Variants in ZFPM2 observed in about 807,000 individuals in gnomAD.
The protein encoded by ZFPM2 is zinc finger protein, FOG family member 2, also known as zinc finger protein ZFPM2.
In ZFPM2, 20 loss-of-function variants were observed where a neutral mutation model predicts 98.6. The observed-to-expected ratio is 0.20, with a 90% CI of 0.14 to 0.29. The LOEUF (loss-of-function observed/expected upper bound fraction) is 0.29, where lower values mean the gene tolerates loss of function less well. ZFPM2 is among the 10% of genes least tolerant of loss of function. ZFPM2 has a pLI of 1.00. For missense variants in ZFPM2, 1,310 were observed against 1,388.6 expected (o/e 0.94, Z 0.90); for synonymous variants, 518 against 502.7 (o/e 1.03, Z -0.41).
intron 5 of ZFPM2, chr8:105,785,261 C>G (rs1408387030): frequency 6.6e-6 from 1 of 152,180 alleles, no homozygotes; most frequent in Admixed American, 6.6e-5. Context: ...CCAAACTTTA[C>G]ATTTTCAAAA....
chr8:105,527,077 CATAGAA>C (rs1435150552), intron 3 of ZFPM2, among the ~76,000 whole-genome samples: 2 of 152,078 alleles, frequency 1.3e-5, no homozygotes, highest in African/African-American at 4.8e-5. Context: ...TGCCCTAGGA[CATAGAA>C]AGTAGGGTGA....
At chr8:105,753,341 C>T (rs780023225) in intron 5 of ZFPM2, among the ~76,000 whole-genome samples, 3 of 152,090 alleles carry the variant, frequency 2.0e-5, no homozygotes, top group Non-Finnish European at 4.4e-5. Flanking sequence ...ATACACAAAG[C>T]CCACCTATGG....
At chr8:105,712,288 A>G (rs1169863000) in intron 5 of ZFPM2, among the ~76,000 whole-genome samples, 1 of 152,132 alleles carries the variant, frequency 6.6e-6, no homozygotes, top group Admixed American at 6.6e-5. Flanking sequence ...GTCACAAGAA[A>G]TGAGACATAG....
intron 3 of ZFPM2, among the ~76,000 whole-genome samples, chr8:105,465,492 T>C (rs2130322378): frequency 6.6e-6 from 1 of 152,022 alleles, no homozygotes; most frequent in African/African-American, 2.4e-5. Context: ...TTATTTTATA[T>C]CACACAAAAA....
chr8:105,686,435 T>G (rs1810736753), intron 5 of ZFPM2, among the ~76,000 whole-genome samples: 1 of 152,132 alleles, frequency 6.6e-6, no homozygotes, highest in Admixed American at 6.5e-5. Flanking sequence ...GTTGTGAAAT[T>G]TCCTTAATGG....
intron 2 of ZFPM2, among the ~76,000 whole-genome samples, chr8:105,425,959 G>C (rs1811899538): frequency 6.6e-6 from 1 of 152,036 alleles, no homozygotes; most frequent in African/African-American, 2.4e-5. Flanking sequence ...CTTATGTTCA[G>C]TTTATTATTA....
intron 1 of ZFPM2, among the ~76,000 whole-genome samples, chr8:105,403,820 C>T (rs952418000): frequency 2.6e-5 from 4 of 151,982 alleles, no homozygotes; most frequent in Non-Finnish European, 4.4e-5. Context: ...CAGCGTGCAG[C>T]GTCTAGCGTG....
At chr8:105,516,100 A>G (rs976114546) in intron 3 of ZFPM2, among the ~76,000 whole-genome samples, 2 of 151,662 alleles carry the variant, frequency 1.3e-5, no homozygotes, top group Admixed American at 6.6e-5. Flanking sequence ...TAATTTTTGT[A>G]TTTTTACTAG....
chr8:105,802,586 A>G lies in ZFPM2; in HGVS notation c.2504A>G (p.Lys835Arg), dbSNP rs1255991864. The G allele has an allele frequency of 1.9e-6, 3 of 1,610,782 alleles. No homozygotes were observed. The change falls in exon 8 of 8, where the codon AAG (lysine) becomes AGG (arginine). Residue 835 changes from lysine to arginine, a missense_variant. Physicochemically the swap from Lys to Arg is conservative, Grantham distance 26. Coordinates refer to ENST00000407775, the MANE Select transcript of ZFPM2 (RefSeq NM_012082.4). The part of the protein sequence containing the change: ...EMDVPIDLSK[K>R]CLSQSERTTT... The stretch of plus-strand genomic sequence containing the variant: ...GACGTGCCCATAGATCTCAGCAAAA[A>G]GTGTTTATCTCAGTCTGAGCGGACG...
At chr8:105,658,902 A>G (rs894613425) in intron 5 of ZFPM2, among the ~76,000 whole-genome samples, 4 of 152,194 alleles carry the variant, frequency 2.6e-5, no homozygotes, top group Non-Finnish European at 4.4e-5. Flanking sequence ...TTAATAGGCA[A>G]TTGAAGCTAT....
intron 5 of ZFPM2, among the ~76,000 whole-genome samples, chr8:105,669,218 G>GT (rs1817543106): frequency 6.6e-6 from 1 of 151,942 alleles, no homozygotes; most frequent in Non-Finnish European, 1.5e-5. Flanking sequence ...GACTCCCCAT[G>GT]GATATAGACA....
At chr8:105,507,128 G>C (rs1487024643) in intron 3 of ZFPM2, among the ~76,000 whole-genome samples, 12 of 152,092 alleles carry the variant, frequency 7.9e-5, no homozygotes. Context: ...CAAATGTTTT[G>C]TTATTAATAA....
chr8:105,402,375 T>A (rs1182355150), intron 1 of ZFPM2, among the ~76,000 whole-genome samples: 1 of 152,038 alleles, frequency 6.6e-6, no homozygotes, highest in Admixed American at 6.6e-5. Flanking sequence ...CTTTATTGAA[T>A]GTATTATTAA....
intron 1 of ZFPM2, among the ~76,000 whole-genome samples, chr8:105,393,381 T>TC (rs141715437): frequency 0.064 from 8,388 of 130,754 alleles, 419 homozygotes; most frequent in Non-Finnish European, 0.067. Context: ...TTTCTTTCTT[T>TC]CTTTCTTTCT....
At chr8:105,352,587 G>T (rs1439364372) in intron 1 of ZFPM2, among the ~76,000 whole-genome samples, 1 of 141,200 alleles carries the variant, frequency 7.1e-6, no homozygotes, top group Non-Finnish European at 1.6e-5. Context: ...CCATTTTACC[G>T]TTTTTTTTTT....
intron 5 of ZFPM2, among the ~76,000 whole-genome samples, chr8:105,676,580 A>T (rs753669311): frequency 6.6e-6 from 1 of 152,112 alleles, no homozygotes; most frequent in Non-Finnish European, 1.5e-5. Flanking sequence ...AAGTTGTAAA[A>T]ATACGCATGG....
chr8:105,781,875 CAG>C (rs2131114180), intron 5 of ZFPM2, among the ~76,000 whole-genome samples: 1 of 152,294 alleles, frequency 6.6e-6, no homozygotes, highest in African/African-American at 2.4e-5. Context: ...ATTCTTCCTT[CAG>C]AGAGATAATT....
At chr8:105,393,381 T>TCTTTCTTTCTTTTTTTCTTTCTTTC (rs1554600714) in intron 1 of ZFPM2, among the ~76,000 whole-genome samples, 1 of 130,678 alleles carries the variant, frequency 7.7e-6, no homozygotes, top group African/African-American at 2.9e-5. Flanking sequence ...TTTCTTTCTT[T>TCTTTCTTTCTTTTTTTCTTTCTTTC]CTTTCTTTCT....
intron 5 of ZFPM2, chr8:105,785,275 AATTC>A (rs1264742788): frequency 2.6e-5 from 4 of 152,272 alleles, no homozygotes; most frequent in South Asian, 2.1e-4. Context: ...TTCAAAACAG[AATTC>A]ATTATTTCTG....
Sources: gnomAD v4.1 joint callset for allele counts (sites outside exome capture counted in the v4.1 genomes callset) on GRCh38, gnomAD v4.1.1 for gene constraint, MANE v1.5 for transcripts, NCBI Gene and HGNC (gene_info 2026-07-23, HGNC 2026-07-21) for gene names.